Variants in PPFIA1 observed in about 807,000 individuals in gnomAD.
The protein encoded by PPFIA1 is liprin-alpha-1.
A neutral mutation model predicts 149.9 loss-of-function variants in PPFIA1; 25 were observed. The observed-to-expected ratio is 0.17, with a 90% confidence interval of 0.12 to 0.23. The LOEUF is 0.23. PPFIA1 is among the 10% of genes least tolerant of loss of function. The pLI is 1.00. For synonymous variants in PPFIA1, 549 were observed against 552.8 expected (o/e 0.99, Z 0.10); for missense variants, 1,362 against 1,506.5 (o/e 0.90, Z 1.59).
At chr11:70,283,931 G>A (rs769237643) in intron 2 of PPFIA1, 3 of 495,658 alleles carry the variant, frequency 6.1e-6, no homozygotes, top group African/African-American at 3.9e-5. Context: ...GAAGTGTCCA[G>A]GTTTAGGTAT....
chr11:70,309,633 TAA>T (rs879503130), intron 2 of PPFIA1, among the ~76,000 whole-genome samples: 2 of 139,750 alleles, frequency 1.4e-5, no homozygotes, highest in Admixed American at 7.2e-5. Context: ...CAGTTTTGCC[TAA>T]AAAAAAAAAA....
chr11:70,369,557 T>C (rs1326163050), intron 21 of PPFIA1, among the ~76,000 whole-genome samples: 2 of 152,214 alleles, frequency 1.3e-5, no homozygotes, highest in African/African-American at 4.8e-5. Context: ...TTTATGTTGA[T>C]AAATGTTTGG....
At chr11:70,271,274 G>A (rs1384363925) in intron 1 of PPFIA1, 1 of 152,460 alleles carries the variant, frequency 6.6e-6, no homozygotes, top group Non-Finnish European at 1.5e-5. Context: ...GATACAGGAG[G>A]GGAGGAGTGC....
chr11:70,354,486 ACCTGT>A, intron 17 of PPFIA1, 34 bp downstream of exon 17: 2 of 1,566,758 alleles, frequency 1.3e-6, no homozygotes, highest in Non-Finnish European at 1.7e-6. Flanking sequence ...TGCAGAGCGC[ACCTGT>A]CTTTTCGTTT....
At chr11:70,367,663 G>C in intron 21 of PPFIA1, 1 of 454,120 alleles carries the variant, frequency 2.2e-6, no homozygotes. Context: ...TGATCCTTCT[G>C]GGAGTTCATG....
chr11:70,360,830 G>C (rs1477739523), intron 19 of PPFIA1, among the ~76,000 whole-genome samples: 1 of 152,190 alleles, frequency 6.6e-6, no homozygotes, highest in South Asian at 2.1e-4. Context: ...AGAAAAAATG[G>C]ACTAAAAGCA....
intron 2 of PPFIA1, among the ~76,000 whole-genome samples, chr11:70,293,474 G>A (rs2051676688): frequency 6.6e-6 from 1 of 152,214 alleles, no homozygotes; most frequent in Non-Finnish European, 1.5e-5. Flanking sequence ...GAACAATAGA[G>A]AAGCAAATAA....
At chr11:70,287,096 G>A (rs1011156610) in intron 2 of PPFIA1, among the ~76,000 whole-genome samples, 5 of 151,516 alleles carry the variant, frequency 3.3e-5, no homozygotes, top group South Asian at 2.1e-4. Flanking sequence ...CAAGTGATTC[G>A]CCCACCTCAG....
At chr11:70,287,196 A>G (rs975339363) in intron 2 of PPFIA1, among the ~76,000 whole-genome samples, 3 of 152,060 alleles carry the variant, frequency 2.0e-5, no homozygotes. Flanking sequence ...TCCTTTGCTC[A>G]GAACACTTGA....
chr11:70,321,045 CAT>C lies in PPFIA1; in HGVS notation c.265-3354_265-3353del, dbSNP rs1161355935. ...TTTGTGTTCCCTGCTCTGCCAAAGT[CAT>C]ATGCTCAAATCCCACTCCCTGGTTT... On this transcript the variant is annotated intron_variant, in intron 2 of 27. Transcript: ENST00000253925. Among the ~76,000 whole-genome samples, 6 of 152,306 alleles carry C rather than the reference CAT, an allele frequency of 3.9e-5. No individual in the cohort carries two copies. In the East Asian group the frequency reaches 1.2e-3, roughly 29 times the overall value.
intron 16 of PPFIA1, chr11:70,351,068 T>A: frequency 9.8e-7 from 1 of 1,018,606 alleles, no homozygotes; most frequent in Non-Finnish European, 1.3e-6. Context: ...CTCCATAATG[T>A]ATTGAAGAGT....
At chr11:70,283,970 G>A (rs771540904) in intron 2 of PPFIA1, 1 of 532,102 alleles carries the variant, frequency 1.9e-6, no homozygotes, top group East Asian at 5.5e-5. Context: ...CTCAAGTATT[G>A]CTGTTAGGTT....
intron 2 of PPFIA1, among the ~76,000 whole-genome samples, chr11:70,290,384 A>G (rs1310947210): frequency 6.6e-6 from 1 of 152,236 alleles, no homozygotes; most frequent in African/African-American, 2.4e-5. Flanking sequence ...TTTGCATGGA[A>G]TAGTCCCGGT....
chr11:70,359,847 G>T (rs956240823), intron 19 of PPFIA1, among the ~76,000 whole-genome samples: 2 of 152,254 alleles, frequency 1.3e-5, no homozygotes, highest in African/African-American at 4.8e-5. Flanking sequence ...AGTTGTTCAT[G>T]TAAATGAACG....
chr11:70,326,384 T>C, intron 6 of PPFIA1, 21 bp downstream of exon 6: 1 of 1,535,284 alleles, frequency 6.5e-7, no homozygotes, highest in Non-Finnish European at 8.9e-7. Flanking sequence ...AGGCTTTGTC[T>C]TTATTCTGTT....
chr11:70,332,692 G>C (rs1289040801), intron 9 of PPFIA1, among the ~76,000 whole-genome samples: 1 of 152,228 alleles, frequency 6.6e-6, no homozygotes, highest in African/African-American at 2.4e-5. Flanking sequence ...CATAGGTCCT[G>C]GGATCGGCGA....
intron 2 of PPFIA1, among the ~76,000 whole-genome samples, chr11:70,323,917 C>T (rs2054112388): frequency 6.6e-6 from 1 of 152,138 alleles, no homozygotes; most frequent in Non-Finnish European, 1.5e-5. Context: ...GAGCCATGGT[C>T]ACACCATTGC....
At chr11:70,277,055 TATA>T (rs1346819999) in intron 2 of PPFIA1, among the ~76,000 whole-genome samples, 1 of 39,640 alleles carries the variant, frequency 2.5e-5, no homozygotes, top group African/African-American at 8.1e-5. Context: ...TATATATATA[TATA>T]TATTTTTTTT....
At chr11:70,282,369 G>T in intron 2 of PPFIA1, 1 of 152,978 alleles carries the variant, frequency 6.5e-6, no homozygotes, top group Non-Finnish European at 1.5e-5. Context: ...TTGCTGTGTT[G>T]CCTAGGCTGA....
Sources: gnomAD v4.1 joint callset for allele counts (sites outside exome capture counted in the v4.1 genomes callset) on GRCh38, gnomAD v4.1.1 for gene constraint, MANE v1.5 for transcripts, NCBI Gene and HGNC (gene_info 2026-07-23, HGNC 2026-07-21) for gene names.